GMDS: variants seen among roughly 807,000 people sequenced by gnomAD.
GMDS encodes GDP-mannose 4,6-dehydratase, also known as GDP-mannose 4,6 dehydratase.
GMDS carries 20 observed loss-of-function variants against 49.9 expected under a neutral mutation model. That is an observed-to-expected ratio of 0.40 (90% CI 0.28 to 0.58). The LOEUF is 0.58. Among genes scored for constraint, GMDS ranks in the 20% least tolerant of loss-of-function variants. The pLI is 0.42. For missense variants in GMDS, 362 were observed against 481.4 expected (o/e 0.75, Z 2.32); for synonymous variants, 177 against 178.6 (o/e 0.99, Z 0.07).
At chr6:2,109,117 C>A (rs912112791) in intron 4 of GMDS, among the ~76,000 whole-genome samples, 1 of 152,176 alleles carries the variant, frequency 6.6e-6, no homozygotes, top group African/African-American at 2.4e-5. Context: ...ACTATGTAAC[C>A]TGAGCCCATC....
intron 7 of GMDS, among the ~76,000 whole-genome samples, chr6:1,897,393 T>G (rs1203026619): frequency 6.6e-6 from 1 of 152,188 alleles, no homozygotes; most frequent in Non-Finnish European, 1.5e-5. Flanking sequence ...CATTTCAACA[T>G]CTGAATTTTG....
intron 7 of GMDS, among the ~76,000 whole-genome samples, chr6:1,854,826 T>C (rs1757874300): frequency 6.6e-6 from 1 of 152,220 alleles, no homozygotes; most frequent in South Asian, 2.1e-4. Flanking sequence ...GAATATTTCC[T>C]TTATTATCAT....
chr6:1,760,051 C>T (rs1173816815), intron 7 of GMDS, among the ~76,000 whole-genome samples: 3 of 152,070 alleles, frequency 2.0e-5, no homozygotes, highest in African/African-American at 7.2e-5. Flanking sequence ...GTCACCGGGG[C>T]GGAGCCAGCT....
intron 1 of GMDS, among the ~76,000 whole-genome samples, chr6:2,211,774 C>A (rs1307134635): frequency 2.0e-5 from 3 of 152,030 alleles, no homozygotes. Flanking sequence ...GAGAATGAGC[C>A]CAGAATTCTA....
At chr6:1,845,651 C>T (rs1757367024) in intron 7 of GMDS, among the ~76,000 whole-genome samples, 1 of 152,144 alleles carries the variant, frequency 6.6e-6, no homozygotes, top group Admixed American at 6.5e-5. Flanking sequence ...TTTCCACGGA[C>T]TGGGGGTGTG....
At chr6:1,980,037 C>T (rs1272555129) in intron 4 of GMDS, among the ~76,000 whole-genome samples, 3 of 152,126 alleles carry the variant, frequency 2.0e-5, no homozygotes, top group Admixed American at 6.6e-5. Context: ...GCAAGAGCTC[C>T]TGAAGGAAGC....
At position 1,833,264 on chromosome 6, in the gene GMDS, G is replaced by A. The variant is rs914728822; in HGVS notation, c.772-90678C>T. ...GGGCTTCAATGCCAAAACTACACGTGTCAGTGACTTCCAGAGAAGGGGAGG... is the reference window on the plus strand; with the variant it reads ...GGGCTTCAATGCCAAAACTACACGTATCAGTGACTTCCAGAGAAGGGGAGG... On this transcript the variant is annotated intron_variant, in intron 7 of 10. Coordinates refer to ENST00000380815, the MANE Select transcript of GMDS (RefSeq NM_001500.4). The surrounding 1 kb of genome is among the most constrained non-coding windows in gnomAD (Gnocchi z 4.4). Among the ~76,000 whole-genome samples the A allele has an allele frequency of 6.6e-6, 1 of 151,046 alleles. No individual in the cohort carries two copies. Among genetic ancestry groups the A allele is most frequent in the African/African-American group, 2.4e-5 (1 of 41,052 alleles).
At chr6:2,161,354 A>T (rs1562109710) in intron 1 of GMDS, among the ~76,000 whole-genome samples, 1 of 152,062 alleles carries the variant, frequency 6.6e-6, no homozygotes, top group Non-Finnish European at 1.5e-5. Context: ...AGTTCTGTGT[A>T]TATGTTAGTT....
At chr6:2,202,016 G>T (rs1265449228) in intron 1 of GMDS, among the ~76,000 whole-genome samples, 1 of 137,054 alleles carries the variant, frequency 7.3e-6, no homozygotes, top group Non-Finnish European at 1.6e-5. Flanking sequence ...AGCACCACAT[G>T]GGCATCCGAG....
chr6:1,650,571 A>G (rs1462348507), intron 9 of GMDS, among the ~76,000 whole-genome samples: 2 of 152,120 alleles, frequency 1.3e-5, no homozygotes, highest in African/African-American at 4.8e-5. Flanking sequence ...CTGATTAAAC[A>G]CATTTATTTA....
chr6:1,722,243 T>TTAG (rs1219258558), intron 9 of GMDS, among the ~76,000 whole-genome samples: 2 of 80,956 alleles, frequency 2.5e-5, no homozygotes, highest in Admixed American at 1.4e-4. Flanking sequence ...ATTATTATTA[T>TTAG]TAGTAGTAGT....
At chr6:1,963,816 C>T (rs897494418) in intron 4 of GMDS, among the ~76,000 whole-genome samples, 1 of 152,184 alleles carries the variant, frequency 6.6e-6, no homozygotes, top group African/African-American at 2.4e-5. Context: ...GCCGTAGTTT[C>T]CTCACCACAG....
chr6:1,702,441 A>G lies in GMDS; in HGVS notation c.987+23975T>C, dbSNP rs1765575273. On this transcript the variant is annotated intron_variant, in intron 9 of 10. Coordinates refer to ENST00000380815, the MANE Select transcript of GMDS (RefSeq NM_001500.4). ...GCTTGATGTGCAGAACCCTTTCCTG[A>G]TAGCATTGATTCTGGCTCGGTTTTA... 1.3e-5 allele frequency among the ~76,000 whole-genome samples: 2 copies of G among 152,208 alleles called. 1 individual carries two copies. Among genetic ancestry groups the G allele is most frequent in the South Asian group, 4.1e-4 (2 of 4,828 alleles).
chr6:2,163,118 T>C (rs1777488442), intron 1 of GMDS, among the ~76,000 whole-genome samples: 1 of 152,178 alleles, frequency 6.6e-6, no homozygotes, highest in Non-Finnish European at 1.5e-5. Flanking sequence ...ACCGATGACA[T>C]GTGCCTAGGA....
intron 9 of GMDS, among the ~76,000 whole-genome samples, chr6:1,684,187 CTG>C (rs1764892215): frequency 6.6e-6 from 1 of 152,146 alleles, no homozygotes; most frequent in Admixed American, 6.5e-5. Flanking sequence ...CTTCACCGTG[CTG>C]TGTGAGCATC....
chr6:1,782,825 G>A (rs572980683), intron 7 of GMDS, among the ~76,000 whole-genome samples: 40 of 152,306 alleles, frequency 2.6e-4, no homozygotes, highest in Middle Eastern at 6.8e-3. Context: ...TCAGAATAAC[G>A]TTGTAAAGGA....
chr6:1,808,898 C>G (rs1770291046), intron 7 of GMDS, among the ~76,000 whole-genome samples: 1 of 123,776 alleles, frequency 8.1e-6, no homozygotes, highest in Admixed American at 7.7e-5. Flanking sequence ...CTAGTGCATG[C>G]TCTCTCTGTG....
At chr6:2,152,057 C>A (rs1250822475) in intron 1 of GMDS, among the ~76,000 whole-genome samples, 3 of 152,086 alleles carry the variant, frequency 2.0e-5, no homozygotes, top group African/African-American at 7.2e-5. Context: ...ACACACAAGT[C>A]GACAGGTCAA....
intron 1 of GMDS, among the ~76,000 whole-genome samples, chr6:2,234,479 G>A (rs182612478): frequency 2.0e-5 from 3 of 152,112 alleles, no homozygotes; most frequent in Non-Finnish European, 2.9e-5. Context: ...CATGGTAGCG[G>A]GTGCCTGTAA....
Sources: allele counts gnomAD v4.1 joint callset (sites outside exome capture counted in the v4.1 genomes callset), GRCh38; gene constraint gnomAD v4.1.1; non-coding constraint Gnocchi (gnomAD v3.1); transcripts MANE v1.5; gene names NCBI Gene and HGNC (gene_info 2026-07-23, HGNC 2026-07-21).